The following AXDND1 variants were observed in gnomAD, a reference collection of about 807,000 sequenced individuals.
AXDND1 encodes axonemal dynein light chain domain containing 1.
Under a neutral mutation model 137.5 loss-of-function variants are expected in AXDND1, and 110 were observed. The observed-to-expected ratio is 0.80, with a 90% CI of 0.69 to 0.94. The LOEUF (loss-of-function observed/expected upper bound fraction) is 0.94, where lower values mean the gene tolerates loss of function less well. Among genes scored for constraint, AXDND1 ranks in the 40% least tolerant of loss-of-function variants. The pLI, the probability that AXDND1 is intolerant of heterozygous loss-of-function variation, is 0.00. For missense variants in AXDND1, 1,191 were observed against 1,169.8 expected (o/e 1.02, Z -0.26); for synonymous variants, 414 against 399.7 (o/e 1.04, Z -0.43).
At chr1:179,398,986 T>G (rs1001218954) in intron 11 of AXDND1, among the ~76,000 whole-genome samples, 1 of 152,124 alleles carries the variant, frequency 6.6e-6, no homozygotes, top group African/African-American at 2.4e-5. Flanking sequence ...TGCACACACA[T>G]GGGCCAGCAA....
At chr1:179,538,108 G>C (rs566557302) in intron 25 of AXDND1, among the ~76,000 whole-genome samples, 5 of 151,854 alleles carry the variant, frequency 3.3e-5, no homozygotes, top group Non-Finnish European at 5.9e-5. Context: ...TCTTGCTAGC[G>C]GTCTATCTAT....
intron 16 of AXDND1, chr1:179,454,574 C>G (rs539272829): frequency 2.0e-5 from 3 of 152,210 alleles, no homozygotes; most frequent in Non-Finnish European, 4.4e-5. Flanking sequence ...GTAGGCTACA[C>G]AATTGTGTGT....
intron 25 of AXDND1, among the ~76,000 whole-genome samples, chr1:179,537,241 A>G (rs1450281146): frequency 3.3e-5 from 5 of 152,120 alleles, no homozygotes. Context: ...AACTTCCAAC[A>G]CTATGTCGAA....
intron 10 of AXDND1, 37 bp downstream of exon 10, chr1:179,394,080 T>A (rs370650077): frequency 6.4e-7 from 1 of 1,555,260 alleles, no homozygotes; most frequent in Non-Finnish European, 8.7e-7. Flanking sequence ...AAAACAAAAG[T>A]CAATGTCATG....
intron 18 of AXDND1, among the ~76,000 whole-genome samples, chr1:179,484,619 C>T (rs1366086526): frequency 6.6e-6 from 1 of 152,170 alleles, no homozygotes; most frequent in Non-Finnish European, 1.5e-5. Flanking sequence ...ACCAGCCCGC[C>T]CATGTACTCT....
Position 179,509,327 on chromosome 1 carries a change from C to A in AXDND1, c.2420C>A (p.Ser807Tyr). 6.2e-7 allele frequency: 1 copy of A among 1,612,576 alleles called. No individual in the cohort carries two copies. The highest frequency in any genetic ancestry group is 1.1e-5 in the South Asian group (1 of 90,992). ...KECYEWINTC[S>Y]CLLSNIKGRK... is the part of the protein sequence containing the mutation. ...TGTTATGAATGGATCAACACATGCTCTTGCCTCCTTTCTAATATCAAAGGC... is the reference window on the plus strand; with the variant it reads ...TGTTATGAATGGATCAACACATGCTATTGCCTCCTTTCTAATATCAAAGGC... The change falls in exon 21 of 26, where the codon TCT (serine) becomes TAT (tyrosine). Residue 807 changes from serine (S) to tyrosine (Y), a missense_variant. Coordinates refer to ENST00000367618, the MANE Select transcript of AXDND1 (RefSeq NM_144696.6).
At chr1:179,437,164 G>A (rs1450594485) in intron 15 of AXDND1, among the ~76,000 whole-genome samples, 1 of 152,026 alleles carries the variant, frequency 6.6e-6, no homozygotes, top group Non-Finnish European at 1.5e-5. Flanking sequence ...AACAAAGGGG[G>A]GCAAATGTGG....
chr1:179,447,596 C>A, intron 16 of AXDND1: 1 of 1,107,566 alleles, frequency 9.0e-7, no homozygotes. Context: ...GTTCAACTTA[C>A]TAGTGGAGGT....
chr1:179,547,185 T>A (rs1321789891), intron 25 of AXDND1, among the ~76,000 whole-genome samples: 1 of 152,204 alleles, frequency 6.6e-6, no homozygotes, highest in Non-Finnish European at 1.5e-5. Flanking sequence ...GGAATAAAAC[T>A]GCTGTAGCCC....
intron 17 of AXDND1, among the ~76,000 whole-genome samples, chr1:179,477,999 T>C (rs374639101): frequency 9.5e-4 from 145 of 152,330 alleles, no homozygotes; most frequent in African/African-American, 3.4e-3. Flanking sequence ...AGCTTCATAA[T>C]GATCTCCTTT....
At chr1:179,554,016 G>A (rs577107404) in intron 25 of AXDND1, among the ~76,000 whole-genome samples, 105 of 151,578 alleles carry the variant, frequency 6.9e-4, no homozygotes, top group African/African-American at 1.6e-3. Context: ...GGGTTCAAGC[G>A]ATTCTTCTGC....
At position 179,372,631 on chromosome 1, in the gene AXDND1, C is replaced by T. The variant is rs370637936; in HGVS notation, c.374+2553C>T. Among the ~76,000 whole-genome samples, 50 of 151,988 alleles carry T rather than the reference C, an allele frequency of 3.3e-4. No homozygotes were observed. The East Asian group carries it at 6.2e-3, about 19-fold the overall frequency. ...AATAGATTTTCCAGAAGAGTGGAAG[C>T]GGGTGTTTTACCATAGAATTTTATG... On this transcript the variant is annotated intron_variant, in intron 4 of 25. Transcript: ENST00000367618.
chr1:179,407,026 C>T (rs4626840), intron 11 of AXDND1, among the ~76,000 whole-genome samples: 44,575 of 151,712 alleles, frequency 0.29, 6,765 homozygotes, highest in Non-Finnish European at 0.31. Context: ...TCTGCTCTAC[C>T]AGTGAGATTT....
intron 21 of AXDND1, among the ~76,000 whole-genome samples, chr1:179,524,085 C>T (rs1365445795): frequency 6.6e-6 from 1 of 152,144 alleles, no homozygotes; most frequent in East Asian, 1.9e-4. Context: ...TTTATTCACT[C>T]ATTGATTGAT....
intron 15 of AXDND1, among the ~76,000 whole-genome samples, chr1:179,438,377 A>G (rs1417691479): frequency 6.6e-6 from 1 of 152,150 alleles, no homozygotes; most frequent in Non-Finnish European, 1.5e-5. Flanking sequence ...GGATTTTAAC[A>G]TTACCACTTC....
intron 2 of AXDND1, among the ~76,000 whole-genome samples, chr1:179,367,661 C>T (rs990598972): frequency 3.9e-5 from 6 of 152,166 alleles, no homozygotes; most frequent in African/African-American, 7.2e-5. Flanking sequence ...CACTTGAACC[C>T]GGGAGGCAGA....
At chr1:179,530,765 G>A (rs984023747) in intron 23 of AXDND1, among the ~76,000 whole-genome samples, 4 of 152,184 alleles carry the variant, frequency 2.6e-5, no homozygotes, top group Admixed American at 6.5e-5. Flanking sequence ...CCATCTGGAT[G>A]TACAATTACT....
At chr1:179,483,366 T>G in intron 18 of AXDND1, 145 bp downstream of exon 18, 1 of 506,336 alleles carries the variant, frequency 2.0e-6, no homozygotes, top group East Asian at 3.4e-5. Context: ...TCAAATAATT[T>G]TCAATGGATT....
intron 14 of AXDND1, among the ~76,000 whole-genome samples, chr1:179,431,420 G>T (rs1438777902): frequency 2.6e-5 from 4 of 152,096 alleles, no homozygotes; most frequent in Admixed American, 6.6e-5. Flanking sequence ...GGGATTACAG[G>T]CATGAGCCAC....
Sources: allele counts gnomAD v4.1 joint callset (sites outside exome capture counted in the v4.1 genomes callset), GRCh38; gene constraint gnomAD v4.1.1; transcripts MANE v1.5; gene names NCBI Gene and HGNC (gene_info 2026-07-23, HGNC 2026-07-21).